TDRD12: variants seen among roughly 807,000 people sequenced by gnomAD.
The protein encoded by TDRD12 is tudor domain containing 12, also known as putative ATP-dependent RNA helicase TDRD12.
A neutral mutation model predicts 133.5 loss-of-function variants in TDRD12; 158 were observed. That is an observed-to-expected ratio of 1.18 (90% CI 1.04 to 1.35). The LOEUF (loss-of-function observed/expected upper bound fraction) is 1.35. Ranked by LOEUF, TDRD12 falls within the 40% of genes most tolerant of loss-of-function variation. The probability of loss-of-function intolerance (pLI) is 0.00; values close to 1 mark genes in which losing one functional copy is unlikely to be tolerated. For missense variants in TDRD12, 1,443 were observed against 1,321.3 expected (o/e 1.09, Z -1.43); for synonymous variants, 460 against 477.9 (o/e 0.96, Z 0.49).
exon 8 of TDRD12, chr19:32,757,089 A>G: frequency 1.3e-6 from 2 of 1,551,900 alleles, no homozygotes; most frequent in Non-Finnish European, 1.7e-6. Flanking sequence ...ACATGGTGCA[A>G]GGGTATTGTC....
exon 22 of TDRD12, chr19:32,807,576 C>A: frequency 6.5e-7 from 1 of 1,534,796 alleles, no homozygotes; most frequent in Non-Finnish European, 8.7e-7. Context: ...CTGACCGACA[C>A]CGTATTAATC....
At chr19:32,820,999 G>GA in intron 27 of TDRD12, 34 bp from the exon 28 acceptor site, 1 of 1,510,370 alleles carries the variant, frequency 6.6e-7, no homozygotes, top group Non-Finnish European at 8.9e-7. Context: ...TTCCTGTAGA[G>GA]AGCCAGGTGT....
chr19:32,728,833 CA>C (rs1968946775), intron 1 of TDRD12, among the ~76,000 whole-genome samples: 1 of 125,804 alleles, frequency 7.9e-6, no homozygotes, highest in Non-Finnish European at 1.6e-5. Flanking sequence ...TTTTTTTGTA[CA>C]GATGGGGTTT....
chr19:32,748,652 TC>T, intron 5 of TDRD12, 121 bp downstream of exon 5: 1 of 918,204 alleles, frequency 1.1e-6, no homozygotes, highest in Non-Finnish European at 1.6e-6. Flanking sequence ...TCAGAGGAGT[TC>T]CCTAAGCTAC....
At chr19:32,730,455 C>T (rs572412505) in intron 1 of TDRD12, among the ~76,000 whole-genome samples, 1 of 152,198 alleles carries the variant, frequency 6.6e-6, no homozygotes, top group East Asian at 1.9e-4. Flanking sequence ...TCTTCACTGC[C>T]TTCAAATAGT....
At chr19:32,803,684 C>T (rs1971464299) in intron 21 of TDRD12, among the ~76,000 whole-genome samples, 1 of 152,198 alleles carries the variant, frequency 6.6e-6, no homozygotes. Context: ...AGCGGCTGGC[C>T]ATTTTCCGGT....
At chr19:32,774,719 G>A (rs867786230) in intron 10 of TDRD12, among the ~76,000 whole-genome samples, 1 of 152,038 alleles carries the variant, frequency 6.6e-6, no homozygotes, top group African/African-American at 2.4e-5. Context: ...GGTGGCTCAC[G>A]CCTGTATTCC....
intron 3 of TDRD12, 45 bp from the exon 4 acceptor site, chr19:32,742,736 A>G: frequency 6.5e-7 from 1 of 1,528,298 alleles, no homozygotes; most frequent in Non-Finnish European, 8.8e-7. Flanking sequence ...AGTATGTTAT[A>G]TATAATTTTC....
intron 8 of TDRD12, among the ~76,000 whole-genome samples, chr19:32,769,883 G>A (rs945104165): frequency 4.6e-5 from 7 of 152,050 alleles, no homozygotes; most frequent in African/African-American, 7.2e-5. Context: ...TGATCCACCC[G>A]CCTCAGCCTC....
At chr19:32,732,844 A>G (rs917802539) in intron 2 of TDRD12, among the ~76,000 whole-genome samples, 4 of 152,330 alleles carry the variant, frequency 2.6e-5, no homozygotes, top group Middle Eastern at 3.4e-3. Flanking sequence ...TGACTAATTG[A>G]AGAAGTTAAA....
At chr19:32,787,077 T>C (rs564251882) in intron 11 of TDRD12, among the ~76,000 whole-genome samples, 1 of 152,312 alleles carries the variant, frequency 6.6e-6, no homozygotes, top group African/African-American at 2.4e-5. Context: ...CTACCTTTGG[T>C]CTTTGATGTT....
chr19:32,777,605 T>C (rs1970618880), intron 11 of TDRD12, among the ~76,000 whole-genome samples: 1 of 151,872 alleles, frequency 6.6e-6, no homozygotes, highest in Non-Finnish European at 1.5e-5. Context: ...ACTGAGCAGT[T>C]TGCCTTGATT....
chr19:32,723,199 A>G (rs1968744123), intron 1 of TDRD12, among the ~76,000 whole-genome samples: 1 of 151,812 alleles, frequency 6.6e-6, no homozygotes, highest in African/African-American at 2.4e-5. Context: ...TTCCTGTTAT[A>G]TTGATTTATG....
chr19:32,751,089 T>C (rs1969811044), intron 6 of TDRD12, among the ~76,000 whole-genome samples: 1 of 151,978 alleles, frequency 6.6e-6, no homozygotes, highest in Non-Finnish European at 1.5e-5. Context: ...CTATTCTTCC[T>C]GATGCTCTCC....
intron 4 of TDRD12, among the ~76,000 whole-genome samples, chr19:32,746,658 C>A (rs1339795385): frequency 5.6e-5 from 4 of 71,838 alleles, no homozygotes; most frequent in Non-Finnish European, 1.1e-4. Context: ...CTGTGTGTGA[C>A]AGAGGGGGAG....
At position 32,811,190 on chromosome 19, in the gene TDRD12, G is replaced by A. The variant is rs779480743; in HGVS notation, c.2838-20G>A. On this transcript the variant is annotated intron_variant, in intron 23 of 27. Coordinates refer to ENST00000444215, the Ensembl canonical transcript of TDRD12. ...CTTTCTGGAATCTCTGCGTTGAACC[G>A]ATGCCCCATTGCTCTCCAGGGTTCA... 570 of 1,520,446 alleles carry A rather than the reference G, an allele frequency of 3.7e-4. 2 individuals carry two copies. The highest frequency in any genetic ancestry group is 4.5e-4 in the Non-Finnish European group (512 of 1,133,710). 94.2% of individuals were successfully genotyped at this position (1,520,446 alleles called of 1,614,324 possible).
At chr19:32,737,589 G>C (rs930573153) in intron 2 of TDRD12, among the ~76,000 whole-genome samples, 1 of 151,990 alleles carries the variant, frequency 6.6e-6, no homozygotes, top group Non-Finnish European at 1.5e-5. Context: ...GAGTGCAGTG[G>C]TGCAATCATA....
intron 10 of TDRD12, among the ~76,000 whole-genome samples, chr19:32,774,877 C>G (rs535127032): frequency 3.0e-4 from 46 of 151,770 alleles, no homozygotes; most frequent in African/African-American, 1.1e-3. Flanking sequence ...CTCAGCTACT[C>G]GGGAGGCAGA....
intron 1 of TDRD12, 25 bp downstream of exon 1, chr19:32,720,121 C>T (rs1287710856): frequency 1.7e-5 from 26 of 1,545,420 alleles, no homozygotes; most frequent in Non-Finnish European, 2.2e-5. Context: ...GCCAGACCCA[C>T]GCCAGACCCA....
Sources: gnomAD v4.1 joint callset for allele counts (sites outside exome capture counted in the v4.1 genomes callset) on GRCh38, gnomAD v4.1.1 for gene constraint, MANE v1.5 for transcripts, NCBI Gene and HGNC (gene_info 2026-07-23, HGNC 2026-07-21) for gene names.